Variants in CCDC149 observed in about 807,000 individuals in gnomAD.
CCDC149 encodes the protein coiled-coil domain containing 149.
A neutral mutation model predicts 59.9 loss-of-function variants in CCDC149; 45 were observed. The observed-to-expected ratio is 0.75, with a 90% confidence interval of 0.59 to 0.96. The LOEUF (loss-of-function observed/expected upper bound fraction) is 0.96. Among genes scored for constraint, CCDC149 ranks in the 40% least tolerant of loss-of-function variants. The pLI, the probability that CCDC149 is intolerant of heterozygous loss-of-function variation, is 0.00. For synonymous variants in CCDC149, 245 were observed against 260.6 expected (o/e 0.94, Z 0.58); for missense variants, 584 against 664.7 (o/e 0.88, Z 1.33).
chr4:24,952,089 C>T (rs192833617), intron 1 of CCDC149, among the ~76,000 whole-genome samples: 2 of 152,182 alleles, frequency 1.3e-5, no homozygotes, highest in Admixed American at 1.3e-4. Context: ...CATAAAGTCC[C>T]CAACAATTTC....
At chr4:24,979,010 T>TG (rs1156838927) in intron 1 of CCDC149, among the ~76,000 whole-genome samples, 1 of 152,122 alleles carries the variant, frequency 6.6e-6, no homozygotes, top group Non-Finnish European at 1.5e-5. Flanking sequence ...GCAAATGGTT[T>TG]GGGGGCACAG....
chr4:24,820,423 G>T (rs1715316779), intron 11 of CCDC149, among the ~76,000 whole-genome samples: 1 of 152,142 alleles, frequency 6.6e-6, no homozygotes, highest in Non-Finnish European at 1.5e-5. Flanking sequence ...AAATGAGAGA[G>T]AGTTGGCAAT....
intron 1 of CCDC149, among the ~76,000 whole-genome samples, chr4:24,975,611 C>A (rs114882567): frequency 1.3e-5 from 2 of 150,016 alleles, no homozygotes; most frequent in Admixed American, 6.6e-5. Flanking sequence ...AGGAAGCATA[C>A]GTCCTGGGGA....
intron 1 of CCDC149, among the ~76,000 whole-genome samples, chr4:24,891,586 G>A (rs934449711): frequency 2.0e-5 from 3 of 152,260 alleles, no homozygotes; most frequent in Admixed American, 6.5e-5. Flanking sequence ...TGGGTTGTTC[G>A]GTTTACTCTT....
At chr4:24,980,157 C>T (rs1724413863), upstream of CCDC149, 2 of 152,102 alleles carry the variant, frequency 1.3e-5, no homozygotes, top group Admixed American at 1.3e-4. Flanking sequence ...TTGAGACTTC[C>T]CTAAGGCCCC....
At chr4:24,871,590 A>T (rs1299496840) in intron 3 of CCDC149, among the ~76,000 whole-genome samples, 1 of 152,176 alleles carries the variant, frequency 6.6e-6, no homozygotes, top group African/African-American at 2.4e-5. Flanking sequence ...ACAAAGTTAT[A>T]TATGAAAATA....
upstream of CCDC149, among the ~76,000 whole-genome samples, chr4:24,914,014 A>C (rs896430035): frequency 3.3e-5 from 5 of 152,214 alleles, no homozygotes; most frequent in African/African-American, 1.2e-4. Context: ...TAGGTTGAGA[A>C]GTTGTGAACC....
chr4:24,887,125 C>T (rs932089406), intron 1 of CCDC149, among the ~76,000 whole-genome samples: 2 of 152,178 alleles, frequency 1.3e-5, no homozygotes, highest in East Asian at 3.9e-4. Flanking sequence ...CATTGAGGGG[C>T]TTTTATCTGC....
chr4:24,955,636 T>A (rs1723443192), intron 1 of CCDC149, among the ~76,000 whole-genome samples: 1 of 151,928 alleles, frequency 6.6e-6, no homozygotes, highest in Admixed American at 6.6e-5. Flanking sequence ...CAAAAACAAA[T>A]ATTGTATGAT....
At chr4:24,870,714 C>T (rs1053764583) in intron 3 of CCDC149, among the ~76,000 whole-genome samples, 6 of 152,138 alleles carry the variant, frequency 3.9e-5, no homozygotes, top group African/African-American at 1.2e-4. Flanking sequence ...CTATAAAACT[C>T]CTTCATGAAT....
chr4:24,917,640 G>A (rs183847852), upstream of CCDC149, among the ~76,000 whole-genome samples: 308 of 152,224 alleles, frequency 2.0e-3, 1 homozygote, highest in African/African-American at 7.1e-3. Flanking sequence ...CATGGGAGGA[G>A]AGCGGAAAAC....
At chr4:24,882,703 C>A (rs980837059) in intron 1 of CCDC149, among the ~76,000 whole-genome samples, 3 of 152,132 alleles carry the variant, frequency 2.0e-5, no homozygotes, top group African/African-American at 7.2e-5. Flanking sequence ...CTGCCTGAGA[C>A]TCTGCCAGGG....
downstream of CCDC149, among the ~76,000 whole-genome samples, chr4:24,804,661 C>T (rs1156681333): frequency 6.6e-6 from 1 of 152,130 alleles, no homozygotes; most frequent in Non-Finnish European, 1.5e-5. Flanking sequence ...AGCAGCTGGT[C>T]TTTGTCATTC....
chr4:24,894,931 A>G, intron 1 of CCDC149: 1 of 1,533,256 alleles, frequency 6.5e-7, no homozygotes, highest in East Asian at 2.4e-5. Flanking sequence ...GTGGGGAAAA[A>G]TACAGCAGGT....
chr4:24,815,855 G>A (rs561876233), intron 12 of CCDC149, among the ~76,000 whole-genome samples: 2 of 152,078 alleles, frequency 1.3e-5, no homozygotes, highest in South Asian at 4.2e-4. Flanking sequence ...GTGCAGGGGG[G>A]TGCGTGTGGG....
rs1717774586 is a variant in CCDC149 at position 24,853,169 on chromosome 4, G to A, written c.275C>T (p.Ala92Val). Residue 92 changes from alanine to valine, a missense_variant, in exon 4 of 13, where the codon GCA (alanine) becomes GTA (valine). By Grantham distance (64) the Ala-to-Val change is moderately conservative. Transcript: ENST00000635206. Reference sequence around the variant, plus strand: ...GTCCTGAGAATCTCTCAATAGTTGTGCAAGATTAGCCTAGAAATATCAACA... The same window carrying A: ...GTCCTGAGAATCTCTCAATAGTTGTACAAGATTAGCCTAGAAATATCAACA... 1.2e-6 allele frequency: 2 copies of A among 1,605,922 alleles called. No individual in the cohort carries two copies. The highest frequency in any genetic ancestry group is 8.5e-7 in the Non-Finnish European group (1 of 1,172,848).
chr4:24,818,027 G>C (rs1051137312), intron 12 of CCDC149, among the ~76,000 whole-genome samples: 2 of 152,142 alleles, frequency 1.3e-5, no homozygotes, highest in African/African-American at 2.4e-5. Flanking sequence ...ATGGTAGCAG[G>C]ATGAAGATGG....
chr4:24,815,394 A>G (rs998828434), intron 12 of CCDC149, among the ~76,000 whole-genome samples: 1 of 152,204 alleles, frequency 6.6e-6, no homozygotes, highest in African/African-American at 2.4e-5. Context: ...AGGGGACATG[A>G]GAAACAGCGG....
At chr4:24,882,251 G>A (rs887265304) in intron 1 of CCDC149, among the ~76,000 whole-genome samples, 5 of 152,190 alleles carry the variant, frequency 3.3e-5, no homozygotes, top group African/African-American at 1.2e-4. Context: ...TCCTCTTTAT[G>A]AGGGAGCCAA....
Sources: gnomAD v4.1 joint callset for allele counts (sites outside exome capture counted in the v4.1 genomes callset) on GRCh38, gnomAD v4.1.1 for gene constraint, MANE v1.5 for transcripts, NCBI Gene and HGNC (gene_info 2026-07-23, HGNC 2026-07-21) for gene names.